The following CDK14 variants were observed in gnomAD, a reference collection of about 807,000 sequenced individuals.
The protein encoded by CDK14 is cyclin-dependent kinase 14.
Under a neutral mutation model 60.7 loss-of-function variants are expected in CDK14, and 34 were observed. The observed-to-expected ratio is 0.56, with a 90% CI of 0.43 to 0.75. CDK14 has a LOEUF of 0.75. CDK14 is among the 30% of genes least tolerant of loss of function. CDK14 has a pLI of 0.00. For missense variants in CDK14, 482 were observed against 564.1 expected, an observed-to-expected ratio of 0.85 and a Z score of 1.47; for synonymous variants, 197 against 203.7, an observed-to-expected ratio of 0.97 and a Z score of 0.28.
intron 9 of CDK14, among the ~76,000 whole-genome samples, chr7:90,977,559 C>G (rs1318550734): frequency 5.3e-5 from 8 of 152,076 alleles, no homozygotes; most frequent in Non-Finnish European, 1.0e-4. Flanking sequence ...AGATCAATTT[C>G]TATGTTTATT....
chr7:90,662,473 G>T (rs1800883391), intron 2 of CDK14, among the ~76,000 whole-genome samples: 3 of 152,238 alleles, frequency 2.0e-5, no homozygotes, highest in Admixed American at 6.5e-5. Flanking sequence ...TGCCTTTGGG[G>T]TGATTTTCAT....
intron 11 of CDK14, among the ~76,000 whole-genome samples, chr7:91,063,539 G>T (rs572149880): frequency 6.6e-6 from 1 of 152,310 alleles, no homozygotes; most frequent in African/African-American, 2.4e-5. Flanking sequence ...GTAAACAGAT[G>T]CTCATGCCTT....
At chr7:91,083,514 C>T (rs1449860800) in intron 12 of CDK14, among the ~76,000 whole-genome samples, 1 of 152,084 alleles carries the variant, frequency 6.6e-6, no homozygotes, top group Non-Finnish European at 1.5e-5. Flanking sequence ...TTTGGAGGCC[C>T]CCAAAGGCTC....
chr7:90,820,219 C>A (rs1234261394), intron 5 of CDK14, among the ~76,000 whole-genome samples: 2 of 152,068 alleles, frequency 1.3e-5, no homozygotes, highest in African/African-American at 2.4e-5. Flanking sequence ...ATCTTGAAGT[C>A]CTCTGTCTTC....
chr7:91,205,849 G>A (rs1211844012), intron 14 of CDK14, among the ~76,000 whole-genome samples: 3 of 152,008 alleles, frequency 2.0e-5, no homozygotes, highest in African/African-American at 7.3e-5. Flanking sequence ...AGGCTGGGGT[G>A]CCGTGGCACA....
intron 14 of CDK14, among the ~76,000 whole-genome samples, chr7:91,138,096 G>A (rs559826832): frequency 1.9e-4 from 29 of 152,158 alleles, no homozygotes; most frequent in Non-Finnish European, 3.2e-4. Flanking sequence ...ATTGTGGTGA[G>A]AATAATGTGC....
chr7:90,714,371 T>C (rs73707488), intron 2 of CDK14, among the ~76,000 whole-genome samples: 2,140 of 152,148 alleles, frequency 0.014, 47 homozygotes, highest in African/African-American at 0.048. Context: ...GATGTGTGTA[T>C]CCCACTGCTG....
At chr7:90,972,395 G>T (rs1216913710) in intron 9 of CDK14, among the ~76,000 whole-genome samples, 2 of 152,144 alleles carry the variant, frequency 1.3e-5, no homozygotes, top group Non-Finnish European at 1.5e-5. Flanking sequence ...GATTAAGTCT[G>T]TTATATGTAA....
At chr7:90,622,174 T>C (rs1799784798) in intron 2 of CDK14, among the ~76,000 whole-genome samples, 1 of 152,260 alleles carries the variant, frequency 6.6e-6, no homozygotes, top group Non-Finnish European at 1.5e-5. Context: ...CTATTAATCC[T>C]GTGGCATTTG....
chr7:91,114,802 A>G (rs1352457737), intron 13 of CDK14, among the ~76,000 whole-genome samples: 2 of 152,180 alleles, frequency 1.3e-5, no homozygotes, highest in Non-Finnish European at 2.9e-5. Context: ...AGTATTAAAT[A>G]CTATAGTCAT....
At chr7:91,105,634 ACATTAGACAAC>A (rs1799270133) in intron 12 of CDK14, among the ~76,000 whole-genome samples, 3 of 152,224 alleles carry the variant, frequency 2.0e-5, no homozygotes. Flanking sequence ...CCATAGATTA[ACATTAGACAAC>A]CATGGGCTCA....
At chr7:90,631,858 A>G (rs1195338656) in intron 2 of CDK14, 1 of 152,286 alleles carries the variant, frequency 6.6e-6, no homozygotes, top group African/African-American at 2.4e-5. Context: ...AGGTCACTGA[A>G]GGTGAATCCA....
intron 4 of CDK14, among the ~76,000 whole-genome samples, chr7:90,776,165 T>C (rs1489531619): frequency 1.3e-5 from 2 of 152,206 alleles, no homozygotes; most frequent in African/African-American, 4.8e-5. Flanking sequence ...TTGCCTTCTT[T>C]TGATGTGTTT....
At chr7:91,071,558 C>T (rs778573567) in intron 11 of CDK14, among the ~76,000 whole-genome samples, 3 of 152,248 alleles carry the variant, frequency 2.0e-5, no homozygotes, top group Non-Finnish European at 2.9e-5. Flanking sequence ...CTCATGAGCC[C>T]ATGCCACCGG....
intron 12 of CDK14, among the ~76,000 whole-genome samples, chr7:91,099,002 A>G (rs931165478): frequency 1.3e-4 from 20 of 152,078 alleles, no homozygotes; most frequent in African/African-American, 4.6e-4. Flanking sequence ...TTAAAGATAT[A>G]TTTTTTCTTC....
chr7:90,659,837 T>TCTCTCTCTCTC, intron 2 of CDK14, among the ~76,000 whole-genome samples: 1 of 110,510 alleles, frequency 9.0e-6, no homozygotes, highest in East Asian at 3.7e-4. Context: ...CAGGGAATGC[T>TCTCTCTCTCTC]TCTCTCTCTC....
At chr7:91,013,656 GTTTTTTT>G (rs56934476) in intron 10 of CDK14, among the ~76,000 whole-genome samples, 1 of 123,380 alleles carries the variant, frequency 8.1e-6, no homozygotes, top group East Asian at 2.5e-4. Flanking sequence ...CATTGCCTCT[GTTTTTTT>G]TTTTTTTTTT....
intron 7 of CDK14, among the ~76,000 whole-genome samples, chr7:90,912,693 C>T (rs372213346): frequency 1.3e-5 from 2 of 152,056 alleles, no homozygotes; most frequent in East Asian, 3.9e-4. Flanking sequence ...CTGCAATCTC[C>T]ACCTCTCGGG....
chr7:91,046,038 A>G (rs1797222769), intron 11 of CDK14, 78 bp downstream of exon 11: 3 of 916,726 alleles, frequency 3.3e-6, no homozygotes, highest in Admixed American at 1.9e-5. Flanking sequence ...CTCTCAAGCA[A>G]TATACCACCT....
Sources: allele counts gnomAD v4.1 joint callset (sites outside exome capture counted in the v4.1 genomes callset), GRCh38; gene constraint gnomAD v4.1.1; transcripts MANE v1.5; gene names NCBI Gene and HGNC (gene_info 2026-07-23, HGNC 2026-07-21).